Variants in COA8 observed in about 807,000 individuals in gnomAD.
The protein encoded by COA8 is UPF0671 protein C14orf153.
A neutral mutation model predicts 22.0 loss-of-function variants in COA8; 20 were observed. That is an observed-to-expected ratio of 0.91 (90% CI 0.64 to 1.32). COA8 has a LOEUF of 1.32. Among genes scored for constraint, COA8 ranks in the 40% most tolerant of loss-of-function variants. The pLI, the probability that COA8 is intolerant of heterozygous loss-of-function variation, is 0.00. For synonymous variants in COA8, 105 were observed against 79.9 expected, an observed-to-expected ratio of 1.31 and a Z score of -1.68; for missense variants, 266 against 230.0, an observed-to-expected ratio of 1.16 and a Z score of -1.01.
intron 1 of COA8, chr14:103,563,376 C>T (rs1839576817): frequency 1.5e-6 from 1 of 670,578 alleles, no homozygotes; most frequent in African/African-American, 1.8e-5. Flanking sequence ...AACAGAGTCA[C>T]CTGGCAAGTT....
intron 3 of COA8, among the ~76,000 whole-genome samples, chr14:103,580,605 T>C (rs1231242033): frequency 6.6e-6 from 1 of 152,100 alleles, no homozygotes; most frequent in Non-Finnish European, 1.5e-5. Flanking sequence ...GCAATCCTCC[T>C]GCCTCAGCCT....
At chr14:103,580,818 C>T (rs1473546203) in intron 3 of COA8, among the ~76,000 whole-genome samples, 5 of 114,892 alleles carry the variant, frequency 4.4e-5, no homozygotes, top group Non-Finnish European at 8.9e-5. Flanking sequence ...TTTTTTGAGA[C>T]GGAGTTTCAT....
chr14:103,583,831 T>TA (rs1181482741), intron 3 of COA8, among the ~76,000 whole-genome samples: 1 of 152,216 alleles, frequency 6.6e-6, no homozygotes, highest in Non-Finnish European at 1.5e-5. Flanking sequence ...TGACAGGCTA[T>TA]AAATCAGACT....
intron 3 of COA8, among the ~76,000 whole-genome samples, chr14:103,578,887 G>A (rs976146143): frequency 2.6e-5 from 4 of 152,154 alleles, no homozygotes; most frequent in South Asian, 2.1e-4. Context: ...TGCCAGCCGC[G>A]CCCCTCCTGC....
chr14:103,567,074 ATT>A (rs1322976020), intron 1 of COA8, among the ~76,000 whole-genome samples: 1 of 152,086 alleles, frequency 6.6e-6, no homozygotes. Flanking sequence ...CACCTGGCTG[ATT>A]TTTAAAATTT....
rs35726464 is a variant in COA8 at position 103,583,541 on chromosome 14, CAAAAAAAAAAAA to C, written c.386-3719_386-3708del. On this transcript the variant is annotated intron_variant, in intron 3 of 4. Transcript: ENST00000409074. ...TGGGCAACAGAGCAAGACTCGATCT[CAAAAAAAAAAAA>C]AAAAAAAAAAAAAGAGTCTTTTTTC... 5.5e-4 allele frequency among the ~76,000 whole-genome samples: 29 copies of C among 53,086 alleles called. No individual in the cohort carries two copies. In the East Asian group the frequency reaches 7.5e-3, roughly 14 times the overall value. 34.8% of individuals were successfully genotyped at this position (53,086 alleles called of 152,430 possible).
At chr14:103,576,924 A>G (rs992427564) in intron 3 of COA8, among the ~76,000 whole-genome samples, 19 of 152,220 alleles carry the variant, frequency 1.2e-4, no homozygotes, top group Non-Finnish European at 1.5e-5. Context: ...CGGAAATGTG[A>G]GGAAGGGCAA....
chr14:103,580,804 T>G (rs1343680926), intron 3 of COA8, among the ~76,000 whole-genome samples: 1 of 150,384 alleles, frequency 6.6e-6, no homozygotes, highest in East Asian at 2.0e-4. Flanking sequence ...GTTGTTTTTT[T>G]TTTTTTTTTG....
rs974768824 is a variant in COA8, at chr14:103,574,155, C to T, written c.370C>T (p.Leu124=). 1.9e-6 allele frequency: 3 copies of T among 1,597,046 alleles called. No individual in the cohort carries two copies. Among genetic ancestry groups the T allele is most frequent in the Middle Eastern group, 1.7e-4 (1 of 5,946 alleles). ...AAGACTAAAAACTAAAGGCCTGGGCCTGAGAACTGAATCAGGTTAGTGTGT... is the reference window on the plus strand; with the variant it reads ...AAGACTAAAAACTAAAGGCCTGGGCTTGAGAACTGAATCAGGTTAGTGTGT... ...HSRLKTKGLG[L]RTESGQKATL... is the part of the protein sequence containing the mutation. Residue 124 remains leucine, a synonymous_variant, in exon 3 of 5, where the codon CTG becomes TTG. Coordinates refer to ENST00000409074, the MANE Select transcript of COA8 (RefSeq NM_001370595.2).
At chr14:103,587,251 T>G (rs576968641) in intron 3 of COA8, 23 bp from the exon 4 acceptor site, 1 of 1,599,326 alleles carries the variant, frequency 6.3e-7, no homozygotes, top group South Asian at 1.1e-5. Flanking sequence ...AGTCTTAATG[T>G]TTAAGCTGAA....
intron 1 of COA8, chr14:103,563,400 T>C (rs2142269286): frequency 1.7e-6 from 1 of 601,496 alleles, no homozygotes; most frequent in African/African-American, 1.9e-5. Context: ...ACCTACCTTA[T>C]TTGTTCCCGA....
intron 1 of COA8, among the ~76,000 whole-genome samples, chr14:103,568,881 T>C (rs796982076): frequency 1.1e-4 from 16 of 152,162 alleles, no homozygotes; most frequent in African/African-American, 3.9e-4. Flanking sequence ...ATCCACCTGC[T>C]TCGGCTTCCC....
intron 3 of COA8, among the ~76,000 whole-genome samples, chr14:103,578,307 G>A (rs189050885): frequency 1.2e-4 from 19 of 152,284 alleles, no homozygotes; most frequent in African/African-American, 4.3e-4. Flanking sequence ...CTAGAAGAAC[G>A]GATAAGGCTG....
At chr14:103,563,194 G>A in intron 1 of COA8, 70 bp downstream of exon 1, 3 of 1,517,954 alleles carry the variant, frequency 2.0e-6, no homozygotes, top group Non-Finnish European at 2.7e-6. Context: ...GGGCCTCGGG[G>A]CCACTCCCTG....
At chr14:103,566,488 T>G (rs752855488) in intron 1 of COA8, among the ~76,000 whole-genome samples, 13 of 152,242 alleles carry the variant, frequency 8.5e-5, no homozygotes, top group Non-Finnish European at 1.5e-5. Context: ...TCTCATGTAT[T>G]TTTGAAAACC....
Position 103,574,112 on chromosome 14 carries a change from A to G in COA8, c.327A>G (p.Lys109=), listed in dbSNP as rs1164262258. ...TTTTTTTTTTTTTTTTTAAGGAAAA[A>G]GAAGAATTTATTCACTCAAGACTAA... ...ANQNLTFSKE[K]EEFIHSRLKT... The change falls in exon 3 of 5, where the codon AAA becomes AAG. Residue 109 remains lysine (K), a synonymous_variant. Coordinates refer to ENST00000409074, the MANE Select transcript of COA8 (RefSeq NM_001370595.2). 6 of 1,522,902 alleles carry G rather than the reference A, an allele frequency of 3.9e-6. No homozygotes were observed. The highest frequency in any genetic ancestry group is 2.3e-5 in the East Asian group (1 of 43,570). The allele number at this position is 1,522,902 out of a possible 1,614,324, so 94.3% of individuals were successfully genotyped here.
chr14:103,570,610 A>G (rs1490372625), intron 1 of COA8, among the ~76,000 whole-genome samples: 1 of 152,006 alleles, frequency 6.6e-6, no homozygotes, highest in Non-Finnish European at 1.5e-5. Context: ...GCATATGCCT[A>G]TAATCCCAGC....
intron 1 of COA8, among the ~76,000 whole-genome samples, chr14:103,569,338 T>C (rs1414189395): frequency 2.6e-5 from 4 of 152,198 alleles, no homozygotes; most frequent in Non-Finnish European, 5.9e-5. Context: ...ATAACATCTC[T>C]CACATTATAA....
chr14:103,576,344 A>C (rs1229409783), intron 3 of COA8, among the ~76,000 whole-genome samples: 1 of 152,154 alleles, frequency 6.6e-6, no homozygotes, highest in Non-Finnish European at 1.5e-5. Flanking sequence ...TTATGGATTA[A>C]AGAGTTAGAT....
Sources: gnomAD v4.1 joint callset for allele counts (sites outside exome capture counted in the v4.1 genomes callset) on GRCh38, gnomAD v4.1.1 for gene constraint, MANE v1.5 for transcripts, NCBI Gene and HGNC (gene_info 2026-07-23, HGNC 2026-07-21) for gene names.